Variants in TENM1 observed in about 807,000 individuals in gnomAD.
The protein encoded by TENM1 is teneurin transmembrane protein 1, also known as teneurin-1.
In TENM1, 35 loss-of-function variants were observed where a neutral mutation model predicts 174.8. That is an observed-to-expected ratio of 0.20 (90% CI 0.15 to 0.27). TENM1 has a LOEUF of 0.27. TENM1 is among the 10% of genes least tolerant of loss of function. TENM1 has a pLI of 1.00. For synonymous variants in TENM1, 781 were observed against 798.7 expected (o/e 0.98, Z 0.37); for missense variants, 1,633 against 2,130.1 (o/e 0.77, Z 4.59).
chrX:124,986,826 G>C, the TENM1 span, among the ~76,000 whole-genome samples: 1 of 111,329 alleles, frequency 9.0e-6, no homozygotes, highest in African/African-American at 3.3e-5. Context: ...ATTTTTAGTA[G>C]AGACAGGGTT....
At chrX:125,180,408 G>A in the TENM1 span, among the ~76,000 whole-genome samples, 6 of 100,671 alleles carry the variant, frequency 6.0e-5, no homozygotes, top group South Asian at 3.0e-3. Flanking sequence ...AGGTGTGGTG[G>A]GTCATGCTTG....
intron 11 of TENM1, among the ~76,000 whole-genome samples, chrX:124,589,352 TTTGTTGTTGTTGTTGTTG>T (rs200125468): frequency 9.5e-6 from 1 of 104,766 alleles, no homozygotes. Context: ...TGGCCTGTAG[TTTGTTGTTGTTGTTGTTG>T]TTGTTGTTGT....
intron 22 of TENM1, among the ~76,000 whole-genome samples, chrX:124,467,914 A>G (rs1408738883): frequency 9.1e-6 from 1 of 110,187 alleles, no homozygotes; most frequent in African/African-American, 3.3e-5. Context: ...ACACGCCACC[A>G]TGCCCAGCTA....
At chrX:124,545,066 G>A (rs760782300) in intron 15 of TENM1, among the ~76,000 whole-genome samples, 1 of 111,986 alleles carries the variant, frequency 8.9e-6, no homozygotes, top group Non-Finnish European at 1.9e-5. Flanking sequence ...AGAGGAAATA[G>A]AATTAGATTG....
chrX:124,962,601 C>T (rs1478051261), intron 1 of TENM1, among the ~76,000 whole-genome samples: 1 of 111,478 alleles, frequency 9.0e-6, no homozygotes, highest in East Asian at 2.8e-4. Context: ...GGGTGGATCA[C>T]GAGGTCAGGA....
chrX:124,988,886 C>A, the TENM1 span, among the ~76,000 whole-genome samples: 7 of 111,363 alleles, frequency 6.3e-5, no homozygotes, highest in Non-Finnish European at 1.3e-4. Flanking sequence ...AACCTTTCAG[C>A]TACCTGGGAA....
intron 6 of TENM1, among the ~76,000 whole-genome samples, chrX:124,666,866 T>C (rs2051779074): frequency 2.2e-5 from 1 of 45,545 alleles, no homozygotes; most frequent in Non-Finnish European, 3.9e-5. Context: ...CATCTACCCC[T>C]TCCTAATAAG....
chrX:124,946,763 C>A (rs905314277), intron 1 of TENM1, among the ~76,000 whole-genome samples: 2 of 110,150 alleles, frequency 1.8e-5, no homozygotes, highest in Non-Finnish European at 3.8e-5. Context: ...GCGTTTCCTG[C>A]AAATAGTGGT....
intron 11 of TENM1, among the ~76,000 whole-genome samples, chrX:124,587,143 C>T (rs1393499199): frequency 8.2e-5 from 9 of 109,093 alleles, no homozygotes; most frequent in Non-Finnish European, 1.3e-4. Context: ...AATGCCATCC[C>T]CATCAAGCTA....
At chrX:124,694,279 G>A (rs746229128) in intron 5 of TENM1, among the ~76,000 whole-genome samples, 1 of 111,695 alleles carries the variant, frequency 9.0e-6, no homozygotes, top group East Asian at 2.8e-4. Flanking sequence ...TTTAATGGGA[G>A]TAATTTGATC....
At chrX:125,119,169 T>TTAAG in the TENM1 span, among the ~76,000 whole-genome samples, 2 of 111,955 alleles carry the variant, frequency 1.8e-5, no homozygotes, top group African/African-American at 6.5e-5. Flanking sequence ...AATATGGAAG[T>TTAAG]TAAGTAGAAA....
At chrX:124,629,101 C>G in intron 11 of TENM1, among the ~76,000 whole-genome samples, 1 of 112,584 alleles carries the variant, frequency 8.9e-6, no homozygotes, top group Middle Eastern at 4.6e-3. Flanking sequence ...AATAATACTT[C>G]TATCTTGTTT....
At chrX:124,847,104 AACATATCTGT>A in intron 3 of TENM1, among the ~76,000 whole-genome samples, 1 of 111,099 alleles carries the variant, frequency 9.0e-6, no homozygotes, top group Middle Eastern at 4.6e-3. Flanking sequence ...CTTTGTGTTG[AACATATCTGT>A]ACAGGTTTCT....
At chrX:125,158,228 C>T in the TENM1 span, among the ~76,000 whole-genome samples, 3 of 108,461 alleles carry the variant, frequency 2.8e-5, no homozygotes, top group Non-Finnish European at 5.7e-5. Context: ...CATGGTGAAA[C>T]CCCGTCTCTA....
At chrX:124,401,476 T>C (rs1206353196) in intron 27 of TENM1, among the ~76,000 whole-genome samples, 1 of 112,015 alleles carries the variant, frequency 8.9e-6, no homozygotes, top group African/African-American at 3.2e-5. Flanking sequence ...ACAGCTTCAC[T>C]AGAAGAAATA....
chrX:124,623,309 G>A (rs529009112), intron 11 of TENM1, among the ~76,000 whole-genome samples: 12 of 111,019 alleles, frequency 1.1e-4, no homozygotes, highest in African/African-American at 3.6e-4. Flanking sequence ...GAATGTGAGA[G>A]TGTATAAGGG....
At chrX:124,716,626 G>A (rs1171342896) in intron 4 of TENM1, among the ~76,000 whole-genome samples, 1 of 112,160 alleles carries the variant, frequency 8.9e-6, no homozygotes, top group Non-Finnish European at 1.9e-5. Flanking sequence ...CAAATTGGTA[G>A]CCGGTGCCAT....
intron 15 of TENM1, among the ~76,000 whole-genome samples, chrX:124,542,107 C>T (rs1407809681): frequency 8.9e-6 from 1 of 112,371 alleles, no homozygotes; most frequent in Non-Finnish European, 1.9e-5. Flanking sequence ...TTTGAGTCAT[C>T]CCAGCTGAGG....
At chrX:125,173,540 T>C in the TENM1 span, among the ~76,000 whole-genome samples, 1 of 111,234 alleles carries the variant, frequency 9.0e-6, no homozygotes, top group South Asian at 3.8e-4. Context: ...TCCATTGCCA[T>C]GGAGCTTATT....
Sources: allele counts gnomAD v4.1 joint callset (sites outside exome capture counted in the v4.1 genomes callset), GRCh38; gene constraint gnomAD v4.1.1; transcripts MANE v1.5; gene names NCBI Gene and HGNC (gene_info 2026-07-23, HGNC 2026-07-21).